The following ITGBL1 variants were observed in gnomAD, a reference collection of about 807,000 sequenced individuals.
The protein encoded by ITGBL1 is integrin beta-like protein 1.
A neutral mutation model predicts 68.5 loss-of-function variants in ITGBL1; 51 were observed. That is an observed-to-expected ratio of 0.74 (90% CI 0.59 to 0.94). ITGBL1 has a LOEUF of 0.94. ITGBL1 is among the 40% of genes least tolerant of loss of function. The probability of loss-of-function intolerance (pLI) is 0.00; values close to 1 mark genes in which losing one functional copy is unlikely to be tolerated. For missense variants in ITGBL1, 649 were observed against 647.4 expected (o/e 1.00, Z -0.03); for synonymous variants, 209 against 227.3 (o/e 0.92, Z 0.72).
At chr13:101,711,376 C>T (rs926422000) in intron 9 of ITGBL1, 1 of 152,336 alleles carries the variant, frequency 6.6e-6, no homozygotes, top group African/African-American at 2.4e-5. Flanking sequence ...CACACACTCA[C>T]CCACCCACAA....
chr13:101,612,281 A>G (rs768527695), intron 7 of ITGBL1, among the ~76,000 whole-genome samples: 4 of 152,166 alleles, frequency 2.6e-5, no homozygotes, highest in Non-Finnish European at 5.9e-5. Context: ...CTAGGGTGAA[A>G]CAGCAAATAT....
intron 2 of ITGBL1, among the ~76,000 whole-genome samples, chr13:101,563,026 T>C (rs892607793): frequency 1.3e-5 from 2 of 151,452 alleles, no homozygotes; most frequent in Admixed American, 6.6e-5. Flanking sequence ...CATAGGTTAA[T>C]AGGAAATCTC....
chr13:101,704,024 G>A (rs1052090118), intron 8 of ITGBL1, among the ~76,000 whole-genome samples: 3 of 152,202 alleles, frequency 2.0e-5, no homozygotes, highest in African/African-American at 7.2e-5. Context: ...GAGAGACCAT[G>A]TAAATTGCCC....
chr13:101,669,366 ATGTT>A (rs1013249602), intron 7 of ITGBL1, among the ~76,000 whole-genome samples: 35 of 152,238 alleles, frequency 2.3e-4, no homozygotes, highest in African/African-American at 1.2e-4. Flanking sequence ...AGAAAAATAA[ATGTT>A]TGTGCTAAGG....
intron 7 of ITGBL1, among the ~76,000 whole-genome samples, chr13:101,656,940 TTTTTTTTC>T (rs1376498693): frequency 1.3e-5 from 2 of 149,350 alleles, no homozygotes; most frequent in Non-Finnish European, 2.9e-5. Flanking sequence ...TTGCTTCTAT[TTTTTTTTC>T]TTTTTTTCTT....
In ITGBL1 at chr13:101,709,341, C is replaced by T. The variant is rs570586197; in HGVS notation, c.1279+2439C>T. Among the ~76,000 whole-genome samples the T allele has an allele frequency of 2.1e-3, 261 of 125,710 alleles. 3 individuals are homozygous for T. The highest frequency in any genetic ancestry group is 8.2e-3 in the African/African-American group (252 of 30,866). The allele number at this position is 125,710 out of a possible 152,430, so 82.5% of individuals were successfully genotyped here. On this transcript the variant is annotated intron_variant, in intron 9 of 10. Transcript: ENST00000376180. The stretch of plus-strand genomic sequence containing the variant: ...GATTGCGCCACTGCAGTCCGCAGTC[C>T]GGCCTGGGTGACAGAGCGAGACTCC...
chr13:101,716,155 A>G lies in ITGBL1; in HGVS notation c.*501A>G, dbSNP rs1295347019. ...CACAAGAAAGACCATATTAGAATCTAAGGAAAACATGCATATTCACATTAA... is the reference window on the plus strand; with the variant it reads ...CACAAGAAAGACCATATTAGAATCTGAGGAAAACATGCATATTCACATTAA... On this transcript the variant is annotated 3_prime_UTR_variant, in exon 11 of 11. Coordinates refer to ENST00000376180, the MANE Select transcript of ITGBL1 (RefSeq NM_004791.3). The G allele has an allele frequency of 2.6e-5, 4 of 152,354 alleles. No homozygotes were observed. Among genetic ancestry groups the G allele is most frequent in the Non-Finnish European group, 5.9e-5 (4 of 68,150 alleles). 9.4% of individuals were successfully genotyped at this position (152,354 alleles called of 1,614,324 possible). A position where few individuals can be genotyped will look rare whatever the true frequency, so the allele number is the denominator to read the frequency against.
chr13:101,531,473 G>C (rs931200872), intron 2 of ITGBL1, among the ~76,000 whole-genome samples: 34 of 152,104 alleles, frequency 2.2e-4, no homozygotes, highest in African/African-American at 7.9e-4. Flanking sequence ...GGATTAAAAA[G>C]CCATTAACAA....
rs140307385 is a variant in ITGBL1 at position 101,506,109 on chromosome 13, C to T, written c.316+52009C>T. 3.0e-3 allele frequency among the ~76,000 whole-genome samples: 458 copies of T among 152,206 alleles called. 4 individuals carry two copies. Among genetic ancestry groups the T allele is most frequent in the East Asian group, 4.8e-3 (25 of 5,174 alleles). On this transcript the variant is annotated intron_variant, in intron 2 of 10. Transcript: ENST00000376180. ...TTTTGATGGCAAGCCTACTACAATG[C>T]GCTCACTGTGGAACTAACCTAAGGA...
chr13:101,598,688 T>C (rs981899253), intron 7 of ITGBL1, among the ~76,000 whole-genome samples: 1 of 152,130 alleles, frequency 6.6e-6, no homozygotes, highest in African/African-American at 2.4e-5. Flanking sequence ...ATGCCGTGTT[T>C]GGTTTTTTGT....
intron 7 of ITGBL1, among the ~76,000 whole-genome samples, chr13:101,679,185 C>T (rs910630885): frequency 6.6e-5 from 10 of 152,128 alleles, no homozygotes; most frequent in East Asian, 1.9e-4. Flanking sequence ...GGATTACAGG[C>T]GTGAGCCACC....
intron 7 of ITGBL1, among the ~76,000 whole-genome samples, chr13:101,692,139 T>G (rs1410486314): frequency 2.0e-5 from 3 of 152,156 alleles, no homozygotes; most frequent in East Asian, 1.9e-4. Context: ...CATTGAAATA[T>G]TACCTATGAC....
intron 4 of ITGBL1, among the ~76,000 whole-genome samples, chr13:101,576,964 AAAG>A (rs386773949): frequency 1.8e-4 from 27 of 151,054 alleles, no homozygotes; most frequent in Admixed American, 9.2e-4. Flanking sequence ...AAAAAAAAAA[AAAG>A]AAGAAGACGG....
At chr13:101,588,841 G>T (rs9518454) in intron 6 of ITGBL1, among the ~76,000 whole-genome samples, 331 of 151,900 alleles carry the variant, frequency 2.2e-3, no homozygotes, top group Non-Finnish European at 2.9e-3. Context: ...TTCCTTCTTT[G>T]GCATAACTTT....
intron 2 of ITGBL1, among the ~76,000 whole-genome samples, chr13:101,481,185 TGAGAGAGA>T (rs5806223): frequency 6.8e-6 from 1 of 147,676 alleles, no homozygotes; most frequent in Non-Finnish European, 1.5e-5. Flanking sequence ...TATATACATA[TGAGAGAGA>T]GAGAGAGAGA....
At chr13:101,454,498 AT>A in intron 2 of ITGBL1, among the ~76,000 whole-genome samples, 1 of 149,800 alleles carries the variant, frequency 6.7e-6, no homozygotes, top group South Asian at 2.2e-4. Context: ...CCTGGCCGTC[AT>A]TTGCTTAATT....
chr13:101,552,373 A>G (rs942232525), intron 2 of ITGBL1, among the ~76,000 whole-genome samples: 3 of 152,108 alleles, frequency 2.0e-5, no homozygotes, highest in Admixed American at 6.5e-5. Flanking sequence ...CATTTGAAAT[A>G]TTTCTCCCTT....
At chr13:101,526,432 C>G (rs1334255498) in intron 2 of ITGBL1, among the ~76,000 whole-genome samples, 1 of 151,884 alleles carries the variant, frequency 6.6e-6, no homozygotes, top group African/African-American at 2.4e-5. Context: ...TGGAGTCAAC[C>G]CAAATGCCCA....
intron 3 of ITGBL1, among the ~76,000 whole-genome samples, chr13:101,570,755 G>C (rs2050259187): frequency 6.6e-6 from 1 of 152,108 alleles, no homozygotes; most frequent in Admixed American, 6.6e-5. Flanking sequence ...AAAGTCCCTA[G>C]TTATATAATT....
Sources: allele counts gnomAD v4.1 joint callset (sites outside exome capture counted in the v4.1 genomes callset), GRCh38; gene constraint gnomAD v4.1.1; transcripts MANE v1.5; gene names NCBI Gene and HGNC (gene_info 2026-07-23, HGNC 2026-07-21).